TXN2: variants seen among roughly 807,000 people sequenced by gnomAD.
The protein encoded by TXN2 is thioredoxin 2, also known as thioredoxin, mitochondrial.
In TXN2, 12 loss-of-function variants were observed where a neutral mutation model predicts 14.6. The observed-to-expected ratio is 0.82, with a 90% CI of 0.53 to 1.33. The LOEUF is 1.33. TXN2 is among the 40% of genes most tolerant of loss of function. The probability of loss-of-function intolerance (pLI) is 0.00; values close to 1 mark genes in which losing one functional copy is unlikely to be tolerated. For synonymous variants in TXN2, 89 were observed against 81.0 expected (o/e 1.10, Z -0.53); for missense variants, 173 against 207.7 (o/e 0.83, Z 1.03).
intron 3 of TXN2, among the ~76,000 whole-genome samples, chr22:36,474,063 G>A (rs1933338103): frequency 6.6e-6 from 1 of 152,208 alleles, no homozygotes; most frequent in Admixed American, 6.5e-5. Flanking sequence ...TGACCTGTGG[G>A]AGGCCCTAGG....
intron 3 of TXN2, among the ~76,000 whole-genome samples, chr22:36,470,752 A>G (rs1016934262): frequency 6.6e-6 from 1 of 151,258 alleles, no homozygotes; most frequent in Non-Finnish European, 1.5e-5. Flanking sequence ...CCTGGGCAAC[A>G]TAGCAAGACG....
chr22:36,471,714 A>G (rs1933279379), intron 3 of TXN2, among the ~76,000 whole-genome samples: 1 of 152,216 alleles, frequency 6.6e-6, no homozygotes, highest in Non-Finnish European at 1.5e-5. Context: ...CCTGCCTGTA[A>G]TCCCAGCACT....
intron 3 of TXN2, among the ~76,000 whole-genome samples, chr22:36,474,189 A>C (rs1037544981): frequency 6.6e-6 from 1 of 152,134 alleles, no homozygotes; most frequent in Non-Finnish European, 1.5e-5. Flanking sequence ...CTTTTTGAAA[A>C]AGTGACTCAC....
chr22:36,478,987 C>A lies in TXN2; in HGVS notation c.263+1588G>T, dbSNP rs867945738. Among the ~76,000 whole-genome samples the A allele has an allele frequency of 3.9e-5, 6 of 151,958 alleles. No homozygotes were observed. In the East Asian group the frequency reaches 7.8e-4, roughly 20 times the overall value. ...AAGGAAAAAAAACCCTCAGGCCTGGCGCAGTGGTTCATGCCTGTAATCCTA... is the reference window on the plus strand; with the variant it reads ...AAGGAAAAAAAACCCTCAGGCCTGGAGCAGTGGTTCATGCCTGTAATCCTA... On this transcript the variant is annotated intron_variant, in intron 2 of 3. Coordinates refer to ENST00000216185, the MANE Select transcript of TXN2 (RefSeq NM_012473.4).
chr22:36,475,327 G>A (rs901252829), intron 3 of TXN2, among the ~76,000 whole-genome samples: 7 of 152,304 alleles, frequency 4.6e-5, no homozygotes, highest in Non-Finnish European at 8.8e-5. Context: ...GCAGTGAGCC[G>A]AGATTGTGCC....
chr22:36,468,866 A>G (rs941694265), intron 3 of TXN2: 1 of 283,270 alleles, frequency 3.5e-6, no homozygotes, highest in African/African-American at 2.3e-5. Flanking sequence ...ACATGGTGAA[A>G]CCCTGTCTCT....
rs145041593 is a variant in TXN2, at chr22:36,475,097, G to C, written c.387+1636C>G. 3.8e-3 allele frequency among the ~76,000 whole-genome samples: 582 copies of C among 152,332 alleles called. 4 individuals are homozygous for C. The highest frequency in any genetic ancestry group is 0.013 in the African/African-American group (550 of 41,586). On this transcript the variant is annotated intron_variant, in intron 3 of 3. Transcript: ENST00000216185. Reference sequence around the variant, plus strand: ...ATCCCACCCTTTAAAAAAGAAACCCGCTGGGCGCGGTGGCTTACGCCTGTA... The same window carrying C: ...ATCCCACCCTTTAAAAAAGAAACCCCCTGGGCGCGGTGGCTTACGCCTGTA...
At position 36,477,437 on chromosome 22, in the gene TXN2, T is replaced by C. The variant is rs562215736; in HGVS notation, c.264-581A>G. 2.2e-4 allele frequency among the ~76,000 whole-genome samples: 33 copies of C among 152,312 alleles called. No individual in the cohort carries two copies. The South Asian group carries it at 6.6e-3, about 31-fold the overall frequency. On this transcript the variant is annotated intron_variant, in intron 2 of 3. Coordinates refer to ENST00000216185, the MANE Select transcript of TXN2 (RefSeq NM_012473.4). ...GTTAGCCAGGATGGTCTCGATCTCC[T>C]GACCTCGTGATCCGCCTGTCTCGGC... is the stretch of plus-strand genomic sequence containing the variant.
chr22:36,476,849 C>T lies in TXN2; in HGVS notation c.271G>A (p.Gly91Arg), dbSNP rs769827699. 1 of 1,614,202 alleles carries T rather than the reference C, an allele frequency of 6.2e-7. No individual in the cohort carries two copies. The highest frequency in any genetic ancestry group is 8.5e-7 in the Non-Finnish European group (1 of 1,180,032). The change falls in exon 3 of 4, where the codon GGA becomes AGA. Residue 91 changes from glycine to arginine, a missense_variant. Gly to Arg is a moderately radical substitution (Grantham distance 125, BLOSUM62 -2). Transcript: ENST00000216185. ...CTCGGCCCCAGGATCTTGCAGGGTC[C>T]ACACCACCTCAAAAGGCGAGAAAGG... ...VVVDFHAQWC[G>R]PCKILGPRLE...
In TXN2 at chr22:36,478,395, C is replaced by T. The variant is rs185163376; in HGVS notation, c.264-1539G>A. ...GCATTATCCCATTTATTGTTCATTT[C>T]GGAAGGCCTCTCTGGAATGCTCACT... On this transcript the variant is annotated intron_variant, in intron 2 of 3. Coordinates refer to ENST00000216185, the MANE Select transcript of TXN2 (RefSeq NM_012473.4). 2.1e-3 allele frequency among the ~76,000 whole-genome samples: 327 copies of T among 152,274 alleles called. 1 individual carries two copies. Among genetic ancestry groups the T allele is most frequent in the African/African-American group, 7.3e-3 (302 of 41,566 alleles).
At position 36,471,826 on chromosome 22, in the gene TXN2, C is replaced by T. The variant is rs185618130; in HGVS notation, c.388-3909G>A. On this transcript the variant is annotated intron_variant, in intron 3 of 3. Transcript: ENST00000216185. ...TCTACCAAAAATACAAAAATTAGGC[C>T]GGGCGTGGTGGCTCACGCCTGTAAT... Among the ~76,000 whole-genome samples the T allele has an allele frequency of 2.0e-4, 30 of 152,238 alleles. No individual in the cohort carries two copies. In the East Asian group the frequency reaches 4.0e-3, roughly 21 times the overall value.
chr22:36,473,258 CAT>C (rs1933318671), intron 3 of TXN2, among the ~76,000 whole-genome samples: 2 of 152,182 alleles, frequency 1.3e-5, no homozygotes, highest in Admixed American at 6.6e-5. Flanking sequence ...GCCTGGCAAA[CAT>C]GGTAAAACCT....
At chr22:36,468,039 G>A in intron 3 of TXN2, 122 bp from the exon 4 acceptor site, 1 of 801,336 alleles carries the variant, frequency 1.2e-6, no homozygotes, top group Non-Finnish European at 2.1e-6. Flanking sequence ...CAAAGCCATG[G>A]GCAGGCCTAG....
intron 2 of TXN2, among the ~76,000 whole-genome samples, chr22:36,477,293 C>T (rs558176616): frequency 3.3e-5 from 5 of 152,258 alleles, no homozygotes; most frequent in Admixed American, 6.5e-5. Context: ...CTGCAAGCTC[C>T]GCCTCCCTGG....
chr22:36,479,087 A>G (rs1474897036), intron 2 of TXN2, among the ~76,000 whole-genome samples: 1 of 152,036 alleles, frequency 6.6e-6, no homozygotes, highest in Non-Finnish European at 1.5e-5. Context: ...TGATCGCACC[A>G]CTGCACTCTA....
In TXN2 at chr22:36,467,780, G is replaced by T. The variant is rs760137039; in HGVS notation, c.*24C>A. On this transcript the variant is annotated 3_prime_UTR_variant, in exon 4 of 4. Coordinates refer to ENST00000216185, the MANE Select transcript of TXN2 (RefSeq NM_012473.4). ...TCTATTGGGGTCCCACGCGGGCAAG[G>T]GAACCAGGACTCATCCCTGCTTGTC... 1.3e-5 allele frequency: 20 copies of T among 1,597,588 alleles called. No homozygotes were observed. In the South Asian group the frequency reaches 2.2e-4, roughly 18 times the overall value.
rs768073969 is a variant in TXN2 at position 36,480,820 on chromosome 22, A to C, written c.18T>G (p.Leu6=). The change falls in exon 2 of 4, where the codon CTT becomes CTG. Residue 6 remains leucine, a synonymous_variant. Transcript: ENST00000216185. ...TGACAGAGGCCAGGAACCTCCTCAG[A>C]AGAAGTCGCTGAGCCATCTGTGAGG... is the stretch of plus-strand genomic sequence containing the variant. The part of the protein sequence containing the change: MAQRL[L]LRRFLASVIS... 2.8e-5 allele frequency: 45 copies of C among 1,583,402 alleles called. No homozygotes were observed. The highest frequency in any genetic ancestry group is 3.4e-4 in the Middle Eastern group (2 of 5,864).
At chr22:36,470,782 A>T (rs1329535404) in intron 3 of TXN2, among the ~76,000 whole-genome samples, 3 of 94,908 alleles carry the variant, frequency 3.2e-5, no homozygotes, top group Admixed American at 2.8e-4. Context: ...TAAAAATATT[A>T]AAAAAAAAAA....
intron 2 of TXN2, among the ~76,000 whole-genome samples, chr22:36,479,882 CTTTT>C (rs113981716): frequency 7.1e-6 from 1 of 139,986 alleles, no homozygotes; most frequent in East Asian, 2.1e-4. Context: ...ACACCGATAA[CTTTT>C]TTTTTTTTTT....
Sources: gnomAD v4.1 joint callset for allele counts (sites outside exome capture counted in the v4.1 genomes callset) on GRCh38, gnomAD v4.1.1 for gene constraint, MANE v1.5 for transcripts, NCBI Gene and HGNC (gene_info 2026-07-23, HGNC 2026-07-21) for gene names.